EYS: variants seen among roughly 807,000 people sequenced by gnomAD.
EYS encodes EGF-like photoreceptor maintenance factor.
A neutral mutation model predicts 282.1 loss-of-function variants in EYS; 250 were observed. That is an observed-to-expected ratio of 0.89 (90% CI 0.80 to 0.98). The LOEUF is 0.98. Ranked by LOEUF, EYS falls within the 50% of genes least tolerant of loss-of-function variation. The pLI is 0.00. For missense variants in EYS, 4,016 were observed against 3,709.0 expected (o/e 1.08, Z -2.15); for synonymous variants, 1,355 against 1,282.9 (o/e 1.06, Z -1.20).
intron 41 of EYS, among the ~76,000 whole-genome samples, chr6:63,736,671 C>T (rs960872096): frequency 1.3e-5 from 2 of 152,144 alleles, no homozygotes; most frequent in African/African-American, 2.4e-5. Context: ...TATAAATTAC[C>T]TTGGGCAGTA....
At chr6:65,480,098 C>T (rs937854480) in intron 5 of EYS, among the ~76,000 whole-genome samples, 1 of 151,558 alleles carries the variant, frequency 6.6e-6, no homozygotes, top group Admixed American at 6.6e-5. Flanking sequence ...CCAGGAGGCA[C>T]AGGTTGCAGT....
intron 35 of EYS, among the ~76,000 whole-genome samples, chr6:63,980,882 G>T (rs1767057183): frequency 6.6e-6 from 1 of 151,836 alleles, no homozygotes; most frequent in Admixed American, 6.6e-5. Flanking sequence ...GAAAGAAAGA[G>T]AACCTTTGGC....
At chr6:64,061,706 A>G (rs1232977428) in intron 33 of EYS, among the ~76,000 whole-genome samples, 1 of 152,212 alleles carries the variant, frequency 6.6e-6, no homozygotes, top group Non-Finnish European at 1.5e-5. Context: ...AGTTTTTATT[A>G]GGCTGGGCAT....
chr6:65,679,597 A>C (rs904958593), intron 1 of EYS, among the ~76,000 whole-genome samples: 5 of 151,936 alleles, frequency 3.3e-5, no homozygotes, highest in African/African-American at 1.2e-4. Flanking sequence ...TACAAGATGA[A>C]AATGTTTTAG....
At chr6:64,136,509 A>G (rs1211323855) in intron 31 of EYS, among the ~76,000 whole-genome samples, 3 of 152,134 alleles carry the variant, frequency 2.0e-5, no homozygotes, top group African/African-American at 7.2e-5. Flanking sequence ...CTATAACCTT[A>G]CAAAATGTAT....
Position 65,097,449 on chromosome 6 carries a change from A to G in EYS, c.2024-39722T>C, listed in dbSNP as rs1774771408. On this transcript the variant is annotated intron_variant, in intron 12 of 42. Transcript: ENST00000503581. ...AAAACAGTATGCAAAATTCCTCTCAAAATGGTAAAAACAGTACTACCACAT... is the reference window on the plus strand; with the variant it reads ...AAAACAGTATGCAAAATTCCTCTCAGAATGGTAAAAACAGTACTACCACAT... Among the ~76,000 whole-genome samples the G allele has an allele frequency of 2.7e-5, 4 of 150,916 alleles. No individual in the cohort carries two copies. In the South Asian group the frequency reaches 8.3e-4, roughly 31 times the overall value.
intron 19 of EYS, among the ~76,000 whole-genome samples, chr6:64,854,960 G>GT (rs1018054207): frequency 4.6e-5 from 7 of 152,042 alleles, no homozygotes; most frequent in South Asian, 4.1e-4. Flanking sequence ...TGTGTTGACA[G>GT]TTTTTTTAAA....
intron 2 of EYS, among the ~76,000 whole-genome samples, chr6:65,506,456 C>CTTCCTT (rs1766657767): frequency 1.1e-5 from 1 of 89,488 alleles, no homozygotes; most frequent in African/African-American, 3.9e-5. Flanking sequence ...TCCTTCCTTC[C>CTTCCTT]TTTCTTTTTT....
At chr6:64,204,229 C>T (rs544533330) in intron 31 of EYS, among the ~76,000 whole-genome samples, 3 of 152,114 alleles carry the variant, frequency 2.0e-5, no homozygotes, top group Non-Finnish European at 2.9e-5. Context: ...CAGGTCATTG[C>T]TTCAAAGCAA....
intron 15 of EYS, among the ~76,000 whole-genome samples, chr6:64,931,954 T>C (rs750712858): frequency 2.1e-4 from 32 of 152,152 alleles, no homozygotes; most frequent in Admixed American, 4.6e-4. Flanking sequence ...GAATCATTTC[T>C]GTAATAGCAG....
chr6:65,252,951 A>G (rs1485394469), intron 12 of EYS, among the ~76,000 whole-genome samples: 1 of 151,946 alleles, frequency 6.6e-6, no homozygotes, highest in South Asian at 2.1e-4. Context: ...AGAGCCTCAG[A>G]CCTGTTAGAC....
chr6:65,382,457 C>CTGTGTGTGTGTGTG (rs55949006), intron 8 of EYS, among the ~76,000 whole-genome samples: 90 of 112,014 alleles, frequency 8.0e-4, no homozygotes, highest in East Asian at 2.8e-3. Context: ...CTCCTTTCCT[C>CTGTGTGTGTGTGTG]TGTGTGTGTG....
chr6:64,591,752 G>A lies in EYS; in HGVS notation c.4115C>T (p.Pro1372Leu), dbSNP rs569134881. 3.5e-5 allele frequency: 54 copies of A among 1,551,328 alleles called. No individual in the cohort carries two copies. In the East Asian group the frequency reaches 1.1e-3, roughly 30 times the overall value. Reference protein sequence around the residue: ...VQDKTSVSHMPIRTSAATLGF... With the variant: ...VQDKTSVSHMLIRTSAATLGF... ...TAGTGTGGCTGCTGAAGTTCGAATA[G>A]GCATATGTGATACCGATGTTTTGTC... is the stretch of plus-strand genomic sequence containing the variant. Residue 1372 changes from proline to leucine, a missense_variant, in exon 26 of 43, where the codon CCT becomes CTT. By Grantham distance (98) the Pro-to-Leu change is moderately conservative. Transcript: ENST00000503581.
At chr6:65,481,641 C>T (rs1000710690) in intron 5 of EYS, among the ~76,000 whole-genome samples, 25 of 152,266 alleles carry the variant, frequency 1.6e-4, no homozygotes, top group African/African-American at 3.4e-4. Context: ...CTCCGCCTCC[C>T]GGGTTCACGC....
chr6:64,351,859 C>T (rs683576), intron 29 of EYS, among the ~76,000 whole-genome samples: 92,268 of 151,174 alleles, frequency 0.61, 28,776 homozygotes, highest in Non-Finnish European at 0.69. Context: ...ATGTATAATG[C>T]CATGCTTAGT....
chr6:65,015,171 G>A (rs1217964710), intron 13 of EYS, among the ~76,000 whole-genome samples: 1 of 152,162 alleles, frequency 6.6e-6, no homozygotes, highest in Non-Finnish European at 1.5e-5. Flanking sequence ...GCAGTTTTAA[G>A]TTTGTGAAAA....
At chr6:65,012,830 A>T (rs530342817) in intron 13 of EYS, among the ~76,000 whole-genome samples, 3 of 150,072 alleles carry the variant, frequency 2.0e-5, no homozygotes, top group Admixed American at 6.7e-5. Flanking sequence ...AAAAAAATGA[A>T]AAAAAACTAC....
rs1164638302 is a variant in EYS at position 64,891,406 on chromosome 6, C to T, written c.2847-4564G>A. 2.6e-5 allele frequency among the ~76,000 whole-genome samples: 4 copies of T among 152,178 alleles called. No homozygotes were observed. In the East Asian group the frequency reaches 7.7e-4, roughly 29 times the overall value. ...CTCCCTCCACCTGCCCTGCCCTGCT[C>T]TCTTCCCGCTCCCTGTGTCTAATAG... On this transcript the variant is annotated intron_variant, in intron 18 of 42. Transcript: ENST00000503581.
chr6:63,766,591 A>C (rs1769794172), intron 40 of EYS, among the ~76,000 whole-genome samples: 2 of 152,010 alleles, frequency 1.3e-5, no homozygotes, highest in African/African-American at 4.8e-5. Flanking sequence ...AAAGAGGAAA[A>C]ATTATAGTAA....
Sources: gnomAD v4.1 joint callset for allele counts (sites outside exome capture counted in the v4.1 genomes callset) on GRCh38, gnomAD v4.1.1 for gene constraint, MANE v1.5 for transcripts, NCBI Gene and HGNC (gene_info 2026-07-23, HGNC 2026-07-21) for gene names.